The following PBX1 variants were observed in gnomAD, a reference collection of about 807,000 sequenced individuals.
The protein encoded by PBX1 is pre-B-cell leukemia transcription factor 1.
In PBX1, 6 loss-of-function variants were observed where a neutral mutation model predicts 53.4. That is an observed-to-expected ratio of 0.11 (90% CI 0.06 to 0.22). The LOEUF is 0.22. Among genes scored for constraint, PBX1 ranks in the 10% least tolerant of loss-of-function variants. The pLI is 1.00. For synonymous variants in PBX1, 204 were observed against 212.3 expected (o/e 0.96, Z 0.34); for missense variants, 251 against 551.4 (o/e 0.46, Z 5.46).
chr1:164,559,833 A>G lies in PBX1; in HGVS notation c.11A>G (p.Gln4Arg). 6.5e-7 allele frequency: 1 copy of G among 1,546,612 alleles called. No homozygotes were observed. Among genetic ancestry groups the G allele is most frequent in the Non-Finnish European group, 8.7e-7 (1 of 1,145,160 alleles). Reference sequence around the variant, plus strand: ...CCGTAGCCTTTGGAGATGGACGAGCAGCCCAGGCTGATGCATTCCCATGCT... The same window carrying G: ...CCGTAGCCTTTGGAGATGGACGAGCGGCCCAGGCTGATGCATTCCCATGCT... MDE[Q>R]PRLMHSHAGV... The change falls in exon 1 of 9, where the codon CAG (glutamine) becomes CGG (arginine). Residue 4 changes from glutamine to arginine, a missense_variant. Transcript: ENST00000420696.
At chr1:164,797,858 G>C (rs1558013932) in intron 3 of PBX1, among the ~76,000 whole-genome samples, 1 of 152,216 alleles carries the variant, frequency 6.6e-6, no homozygotes, top group Non-Finnish European at 1.5e-5. Context: ...ACGAGGCACA[G>C]ATACGTTAAG....
At chr1:164,684,414 T>A (rs1262486015) in intron 2 of PBX1, 1 of 152,204 alleles carries the variant, frequency 6.6e-6, no homozygotes, top group Non-Finnish European at 1.5e-5. Flanking sequence ...TAAAAGGCAA[T>A]CTATGCTTTA....
chr1:164,690,888 G>T (rs1662432532), intron 2 of PBX1, among the ~76,000 whole-genome samples: 2 of 152,108 alleles, frequency 1.3e-5, no homozygotes, highest in Non-Finnish European at 2.9e-5. Context: ...GAGAGGCTTG[G>T]CTGCATTACA....
chr1:164,622,429 T>C (rs1657741970), intron 2 of PBX1, among the ~76,000 whole-genome samples: 1 of 152,322 alleles, frequency 6.6e-6, no homozygotes, highest in Middle Eastern at 3.4e-3. Flanking sequence ...TCTATCGTAA[T>C]GACTAGATGA....
chr1:164,565,694 A>G (rs2101695340), intron 2 of PBX1, among the ~76,000 whole-genome samples: 1 of 151,812 alleles, frequency 6.6e-6, no homozygotes, highest in Admixed American at 6.6e-5. Flanking sequence ...TTGCCAGCAT[A>G]TCTTTCATGC....
At chr1:164,803,864 G>A (rs1165582946) in intron 4 of PBX1, among the ~76,000 whole-genome samples, 1 of 152,116 alleles carries the variant, frequency 6.6e-6, no homozygotes, top group Admixed American at 6.6e-5. Context: ...ATATGACGCT[G>A]GATAAGTGGC....
chr1:164,870,312 T>C (rs1672341447), intron 2 of PBX1, among the ~76,000 whole-genome samples: 1 of 89,812 alleles, frequency 1.1e-5, no homozygotes, highest in East Asian at 2.8e-4. Flanking sequence ...TTTCTTTCTT[T>C]CTTTCTTTCT....
At position 164,772,693 on chromosome 1, in the gene PBX1, C is replaced by T. The variant is rs182565222; in HGVS notation, c.266-19801C>T. Among the ~76,000 whole-genome samples the T allele has an allele frequency of 2.4e-3, 371 of 152,270 alleles. 1 individual carries two copies. The highest frequency in any genetic ancestry group is 3.9e-3 in the Non-Finnish European group (262 of 68,034). ...CAGTGATTGGGGACTATTGCTGCCCCGCGTGCTTTTTCAGGCAGAGATATC... is the reference window on the plus strand; with the variant it reads ...CAGTGATTGGGGACTATTGCTGCCCTGCGTGCTTTTTCAGGCAGAGATATC... On this transcript the variant is annotated intron_variant, in intron 2 of 8. Transcript: ENST00000420696.
Position 164,792,690 on chromosome 1 carries a change from C to A in PBX1, c.462C>A (p.Leu154=). The part of the protein sequence containing the change: ...SVEHSDYRAK[L]SQIRQIYHTE... ...AGCATTCAGATTACAGAGCCAAACT[C>A]TCACAGATCAGACAAATCTACCATA... The change falls in exon 3 of 9, where the codon CTC becomes CTA. Residue 154 remains leucine (L), a synonymous_variant. Coordinates refer to ENST00000420696, the MANE Select transcript of PBX1 (RefSeq NM_002585.4). 1 of 1,613,842 alleles carries A rather than the reference C, an allele frequency of 6.2e-7. No homozygotes were observed.
intron 2 of PBX1, among the ~76,000 whole-genome samples, chr1:164,867,317 C>T (rs982380995): frequency 4.6e-5 from 7 of 152,170 alleles, no homozygotes; most frequent in Non-Finnish European, 1.0e-4. Flanking sequence ...CATCTCATTT[C>T]CCTTTGTGCT....
intron 2 of PBX1, among the ~76,000 whole-genome samples, chr1:164,593,257 CA>C (rs1317179157): frequency 2.0e-5 from 3 of 152,168 alleles, no homozygotes; most frequent in African/African-American, 7.2e-5. Context: ...CACGCCTGGC[CA>C]ACCCTTAGAT....
chr1:164,585,449 A>T (rs1353079320), intron 2 of PBX1, among the ~76,000 whole-genome samples: 4 of 152,042 alleles, frequency 2.6e-5, no homozygotes, highest in African/African-American at 9.7e-5. Context: ...TGAGTTTAGC[A>T]TTTGCTTTAG....
rs370455974 is a variant in PBX1 at position 164,883,077 on chromosome 1, T to C, written n.258-16111T>C. Among the ~76,000 whole-genome samples, 13 of 152,308 alleles carry C rather than the reference T, an allele frequency of 8.5e-5. No individual in the cohort carries two copies. In the East Asian group the frequency reaches 1.9e-3, roughly 23 times the overall value. On this transcript the variant is annotated intron_variant and non_coding_transcript_variant, in intron 2 of 2. Coordinates refer to the PBX1 transcript ENST00000558796. ...TGGTTTAAAAATCTTTCAAGCTCTT[T>C]AGGTGAAAATAAAAGGGAAAATCTT...
At chr1:164,612,207 C>T (rs141618035) in intron 2 of PBX1, among the ~76,000 whole-genome samples, 8 of 152,266 alleles carry the variant, frequency 5.3e-5, no homozygotes, top group Non-Finnish European at 8.8e-5. Context: ...GACCTTCCAC[C>T]TCTGGGCGCC....
intron 2 of PBX1, among the ~76,000 whole-genome samples, chr1:164,716,667 C>T (rs1463748692): frequency 7.5e-6 from 1 of 133,914 alleles, no homozygotes; most frequent in Non-Finnish European, 1.6e-5. Flanking sequence ...GCCTGGGCAA[C>T]ATGGGAAATG....
chr1:164,834,214 A>G (rs752283263), intron 8 of PBX1, among the ~76,000 whole-genome samples: 4 of 151,780 alleles, frequency 2.6e-5, no homozygotes, highest in Non-Finnish European at 4.4e-5. Context: ...TTTTCTTGAG[A>G]CTTATTATTA....
At chr1:164,714,264 G>T (rs551195143) in intron 2 of PBX1, among the ~76,000 whole-genome samples, 1 of 152,258 alleles carries the variant, frequency 6.6e-6, no homozygotes, top group East Asian at 1.9e-4. Flanking sequence ...AGCCGGTAGG[G>T]ATCTTACATG....
downstream of PBX1, among the ~76,000 whole-genome samples, chr1:164,852,580 A>G (rs1359617839): frequency 6.6e-6 from 1 of 152,204 alleles, no homozygotes; most frequent in Non-Finnish European, 1.5e-5. Flanking sequence ...GGGCCATCAC[A>G]TGCATTACAT....
At chr1:164,576,320 A>C (rs971334467) in intron 2 of PBX1, among the ~76,000 whole-genome samples, 5 of 152,192 alleles carry the variant, frequency 3.3e-5, no homozygotes, top group Admixed American at 6.5e-5. Flanking sequence ...CCCCCTCGCA[A>C]ATCTGTTGAC....
Sources: gnomAD v4.1 joint callset for allele counts (sites outside exome capture counted in the v4.1 genomes callset) on GRCh38, gnomAD v4.1.1 for gene constraint, MANE v1.5 for transcripts, NCBI Gene and HGNC (gene_info 2026-07-23, HGNC 2026-07-21) for gene names.